Variants in SNED1 observed in about 807,000 individuals in gnomAD.
The protein encoded by SNED1 is sushi, nidogen and EGF-like domain-containing protein 1.
A neutral mutation model predicts 166.7 loss-of-function variants in SNED1; 81 were observed. The observed-to-expected ratio is 0.49, with a 90% CI of 0.41 to 0.58. The LOEUF (loss-of-function observed/expected upper bound fraction) is 0.58, where lower values mean the gene tolerates loss of function less well. Among genes scored for constraint, SNED1 ranks in the 20% least tolerant of loss-of-function variants. The probability of loss-of-function intolerance (pLI) is 0.00; values close to 1 mark genes in which losing one functional copy is unlikely to be tolerated. For missense variants in SNED1, 1,604 were observed against 2,000.2 expected (o/e 0.80, Z 3.78); for synonymous variants, 762 against 822.0 (o/e 0.93, Z 1.25).
In SNED1 at chr2:241,018,346, A is replaced by G. The variant is rs2124886682; in HGVS notation, c.214-11938A>G. Among the ~76,000 whole-genome samples the G allele has an allele frequency of 6.6e-6, 1 of 152,338 alleles. No individual in the cohort carries two copies. The highest frequency in any genetic ancestry group is 3.4e-3 in the Middle Eastern group (1 of 294). On this transcript the variant is annotated intron_variant, in intron 1 of 31. Coordinates refer to ENST00000310397, the MANE Select transcript of SNED1 (RefSeq NM_001080437.3). This position sits in a 1 kb window ranked among gnomAD's most constrained non-coding sequence, Gnocchi z 5.4. ...TTGGGTGCAGATACCACCTGGATCC[A>G]CAGGACAGAGATGGGGAACCCAGCG...
chr2:241,031,385 G>A (rs1254689438), intron 2 of SNED1, among the ~76,000 whole-genome samples: 5 of 152,112 alleles, frequency 3.3e-5, no homozygotes, highest in Admixed American at 1.3e-4. Flanking sequence ...GGCTGGTCTC[G>A]AACTCCTGAC....
rs1245810721 is a variant in SNED1, at chr2:241,063,802, G to C, written c.2485+102G>C. The C allele has an allele frequency of 5.3e-6, 5 of 947,430 alleles. No individual in the cohort carries two copies. The East Asian group carries it at 1.1e-4, about 20-fold the overall frequency. 58.7% of individuals were successfully genotyped at this position (947,430 alleles called of 1,614,324 possible). A position where few individuals can be genotyped will look rare whatever the true frequency, so the allele number is the denominator to read the frequency against. On this transcript the variant is annotated intron_variant, in intron 18 of 31. Coordinates refer to ENST00000310397, the MANE Select transcript of SNED1 (RefSeq NM_001080437.3). ...ACATTCCCTGCTGGGCAGGCCACCTGGGGAGAGGGACCCCCAGGGCTGCGG... is the reference window on the plus strand; with the variant it reads ...ACATTCCCTGCTGGGCAGGCCACCTCGGGAGAGGGACCCCCAGGGCTGCGG...
intron 27 of SNED1, among the ~76,000 whole-genome samples, chr2:241,080,647 CAG>C (rs2063283562): frequency 6.6e-6 from 1 of 152,222 alleles, no homozygotes; most frequent in Non-Finnish European, 1.5e-5. Context: ...TGTCCAAAGA[CAG>C]AATAAATTGA....
intron 1 of SNED1, among the ~76,000 whole-genome samples, chr2:241,026,765 A>G (rs915606399): frequency 6.6e-6 from 1 of 152,238 alleles, no homozygotes; most frequent in Non-Finnish European, 1.5e-5. Flanking sequence ...AAAATTTAAT[A>G]TCATAGCCAT....
intron 15 of SNED1, among the ~76,000 whole-genome samples, 158 bp downstream of exon 15, chr2:241,052,626 TGAGAGGGCCGGGGGGCC>T: frequency 3.0e-5 from 3 of 99,390 alleles, no homozygotes; most frequent in Non-Finnish European, 3.9e-5. Flanking sequence ...GCCAGGCAGG[TGAGAGGGCCGGGGGGCC>T]AAGCAGGGTA....
rs571025547 is a variant in SNED1 at position 241,060,251 on chromosome 2, C to T, written c.2258-2540C>T. ...AGGCTGGAGTGCAGTGGCACAATCT[C>T]GGCTCACTGCAACCTCCGCCTCCCT... On this transcript the variant is annotated intron_variant, in intron 16 of 31. Coordinates refer to ENST00000310397, the MANE Select transcript of SNED1 (RefSeq NM_001080437.3). Among the ~76,000 whole-genome samples, 12 of 151,322 alleles carry T rather than the reference C, an allele frequency of 7.9e-5. No homozygotes were observed. The East Asian group carries it at 1.7e-3, about 22-fold the overall frequency.
chr2:241,063,481 C>T, intron 17 of SNED1, 106 bp from the exon 18 acceptor site: 1 of 776,728 alleles, frequency 1.3e-6, no homozygotes, highest in Non-Finnish European at 2.3e-6. Flanking sequence ...TTGCTCCCAG[C>T]TGGGAAAGGG....
In SNED1 at chr2:241,069,047, G is replaced by A. The variant is rs779689527; in HGVS notation, c.3307+24G>A. On this transcript the variant is annotated intron_variant, in intron 23 of 31. Coordinates refer to ENST00000310397, the MANE Select transcript of SNED1 (RefSeq NM_001080437.3). The surrounding 1 kb of genome is among the most constrained non-coding windows in gnomAD (Gnocchi z 4.9). ...CCGTGAGTAGAGCAGCGCGGCCCCC[G>A]GCACACGAAAGGCCGTCTTCTAGAA... 4.8e-5 allele frequency: 72 copies of A among 1,501,026 alleles called. No individual in the cohort carries two copies. In the East Asian group the frequency reaches 7.9e-4, roughly 16 times the overall value. 93.0% of individuals were successfully genotyped at this position (1,501,026 alleles called of 1,614,324 possible).
intron 17 of SNED1, chr2:241,063,316 C>T (rs1022574783): frequency 1.9e-5 from 10 of 526,302 alleles, no homozygotes; most frequent in Non-Finnish European, 3.5e-5. Context: ...GGAGCCGTGC[C>T]CAGTCGTGGC....
rs1175963428 is a variant in SNED1 at position 240,999,846 on chromosome 2, G to C, written c.213+796G>C. On this transcript the variant is annotated intron_variant, in intron 1 of 31. Coordinates refer to ENST00000310397, the MANE Select transcript of SNED1 (RefSeq NM_001080437.3). The surrounding 1 kb of genome is among the most constrained non-coding windows in gnomAD (Gnocchi z 5.8). ...GGTAACTGCATGGAGCACTCGCCCT[G>C]AGTAGGCCACGGTGCACTGGTACCT... Among the ~76,000 whole-genome samples, 1 of 152,170 alleles carries C rather than the reference G, an allele frequency of 6.6e-6. No homozygotes were observed. Among genetic ancestry groups the C allele is most frequent in the Non-Finnish European group, 1.5e-5 (1 of 68,010 alleles).
chr2:241,016,980 G>C (rs1359112580), intron 1 of SNED1, among the ~76,000 whole-genome samples: 1 of 151,456 alleles, frequency 6.6e-6, no homozygotes, highest in Non-Finnish European at 1.5e-5. Context: ...AGCCTCCCGA[G>C]TAGCTGGGAT....
chr2:241,005,805 T>C (rs532070329), intron 1 of SNED1, among the ~76,000 whole-genome samples: 1 of 152,266 alleles, frequency 6.6e-6, no homozygotes, highest in South Asian at 2.1e-4. Flanking sequence ...CTTTTTTCTC[T>C]GATTCCTTTT....
At chr2:241,033,594 G>T in intron 2 of SNED1, 141 bp from the exon 3 acceptor site, 1 of 967,544 alleles carries the variant, frequency 1.0e-6, no homozygotes, top group Non-Finnish European at 1.5e-6. Context: ...TGCCTCGGCT[G>T]CCCGTCCAGC....
intron 3 of SNED1, among the ~76,000 whole-genome samples, 152 bp from the exon 4 acceptor site, chr2:241,034,416 C>T (rs1346424640): frequency 6.6e-6 from 1 of 152,140 alleles, no homozygotes; most frequent in Non-Finnish European, 1.5e-5. Context: ...CAGGGCCAGC[C>T]CTCTCCTTGG....
At position 241,053,159 on chromosome 2, in the gene SNED1, A is replaced by C. The variant is rs1397543294; in HGVS notation, c.2090A>C (p.Asp697Ala). 6.2e-7 allele frequency: 1 copy of C among 1,609,620 alleles called. No individual in the cohort carries two copies. Among genetic ancestry groups the C allele is most frequent in the East Asian group, 2.2e-5 (1 of 44,812 alleles). The change falls in exon 16 of 32, where the codon GAC becomes GCC. Residue 697 changes from aspartate (D) to alanine (A), a missense_variant. Around this residue, in one of 2 missense-constraint regions of SNED1, gnomAD observed 1,237 missense variants for 1,620.8 expected, o/e 0.76. Transcript: ENST00000310397. Reference sequence around the variant, plus strand: ...AGGCTGCCGTGCCTTGCAGAGGTGGACTGCGGCCCCCCGGAGGAGGTGAAG... The same window carrying C: ...AGGCTGCCGTGCCTTGCAGAGGTGGCCTGCGGCCCCCCGGAGGAGGTGAAG... ...YMGRRCQAEV[D>A]CGPPEEVKHA...
At chr2:241,033,701 T>C (rs765755185) in intron 2 of SNED1, 34 bp from the exon 3 acceptor site, 10 of 1,595,230 alleles carry the variant, frequency 6.3e-6, no homozygotes, top group Non-Finnish European at 6.0e-6. Flanking sequence ...CCAAGGGGAG[T>C]GCAGGGCCCT....
chr2:241,053,356 G>C (rs1422618192), intron 16 of SNED1, 30 bp downstream of exon 16: 1 of 1,536,424 alleles, frequency 6.5e-7, no homozygotes, highest in African/African-American at 1.4e-5. Flanking sequence ...GGGTGGGGCA[G>C]GTGGGGCCCA....
At chr2:241,083,507 T>C (rs2063431163) in intron 29 of SNED1, among the ~76,000 whole-genome samples, 1 of 152,198 alleles carries the variant, frequency 6.6e-6, no homozygotes, top group Non-Finnish European at 1.5e-5. Context: ...TCATTAGAGC[T>C]TGGACATGAA....
intron 29 of SNED1, among the ~76,000 whole-genome samples, chr2:241,083,699 A>C (rs1377480657): frequency 6.6e-6 from 1 of 152,186 alleles, no homozygotes; most frequent in Non-Finnish European, 1.5e-5. Flanking sequence ...CAAGTATCCA[A>C]CAAGAAGACC....
Sources: gnomAD v4.1 joint callset for allele counts (sites outside exome capture counted in the v4.1 genomes callset) on GRCh38, gnomAD v4.1.1 for gene constraint, gnomAD v4.1.1 regional missense constraint, Gnocchi (gnomAD v3.1) non-coding constraint, MANE v1.5 for transcripts, NCBI Gene and HGNC (gene_info 2026-07-23, HGNC 2026-07-21) for gene names.